EML5: variants seen among roughly 807,000 people sequenced by gnomAD.
The protein encoded by EML5 is EMAP like 5.
A neutral mutation model predicts 250.0 loss-of-function variants in EML5; 120 were observed. The ratio of observed to expected loss-of-function variants is 0.48; its 90% confidence interval spans 0.41 to 0.56. EML5 has a LOEUF of 0.56. Among genes scored for constraint, EML5 ranks in the 20% least tolerant of loss-of-function variants. The pLI is 0.00. For missense variants in EML5, 2,006 were observed against 2,437.6 expected, an observed-to-expected ratio of 0.82 and a Z score of 3.73; for synonymous variants, 771 against 806.5, an observed-to-expected ratio of 0.96 and a Z score of 0.75.
At chr14:88,687,494 A>C (rs1031797001) in intron 18 of EML5, among the ~76,000 whole-genome samples, 167 bp from the exon 19 acceptor site, 7 of 152,214 alleles carry the variant, frequency 4.6e-5, no homozygotes, top group Admixed American at 4.6e-4. Flanking sequence ...AACCGTCTAC[A>C]TGGAATCTGC....
At chr14:88,708,162 A>G (rs2093348891) in intron 10 of EML5, among the ~76,000 whole-genome samples, 1 of 152,140 alleles carries the variant, frequency 6.6e-6, no homozygotes, top group Non-Finnish European at 1.5e-5. Flanking sequence ...AGAAACCAGT[A>G]TTTTTAGTCA....
intron 1 of EML5, among the ~76,000 whole-genome samples, chr14:88,763,920 C>A (rs571873112): frequency 6.6e-6 from 1 of 152,134 alleles, no homozygotes; most frequent in Non-Finnish European, 1.5e-5. Context: ...ACTTCTAGTC[C>A]TAGTTTGCTA....
chr14:88,647,338 A>T (rs2091399585), intron 28 of EML5, among the ~76,000 whole-genome samples: 1 of 152,090 alleles, frequency 6.6e-6, no homozygotes, highest in Non-Finnish European at 1.5e-5. Context: ...ACTGCACTGC[A>T]GCCTGGGCGA....
chr14:88,648,296 A>G (rs2091450771), intron 28 of EML5, among the ~76,000 whole-genome samples: 1 of 152,162 alleles, frequency 6.6e-6, no homozygotes, highest in South Asian at 2.1e-4. Context: ...TTCATATCCA[A>G]GATAACAATG....
chr14:88,642,802 AT>A, intron 31 of EML5, 90 bp downstream of exon 31: 1 of 1,238,622 alleles, frequency 8.1e-7, no homozygotes, highest in East Asian at 2.7e-5. Context: ...TTCAATTACT[AT>A]TTATAGCTTT....
intron 1 of EML5, among the ~76,000 whole-genome samples, chr14:88,773,492 T>C (rs183445079): frequency 2.6e-5 from 4 of 152,326 alleles, no homozygotes; most frequent in Admixed American, 2.6e-4. Context: ...TGGATTTGGC[T>C]AGGTCCTGAG....
At chr14:88,710,933 A>C (rs2093395191) in intron 10 of EML5, among the ~76,000 whole-genome samples, 2 of 152,190 alleles carry the variant, frequency 1.3e-5, no homozygotes, top group Non-Finnish European at 2.9e-5. Flanking sequence ...CTCTCTTGCA[A>C]ATGATAAAAA....
At chr14:88,791,827 G>T (rs910983741) in intron 1 of EML5, among the ~76,000 whole-genome samples, 2 of 152,200 alleles carry the variant, frequency 1.3e-5, no homozygotes, top group Non-Finnish European at 2.9e-5. Flanking sequence ...CGGCCAGGAG[G>T]TGAGAGCCCT....
chr14:88,703,097 C>A (rs2093247948), intron 13 of EML5, among the ~76,000 whole-genome samples: 1 of 152,028 alleles, frequency 6.6e-6, no homozygotes, highest in Non-Finnish European at 1.5e-5. Context: ...CTTTTATGAA[C>A]TGCTCGGACT....
chr14:88,685,642 G>A (rs1015376175), intron 19 of EML5, among the ~76,000 whole-genome samples: 1 of 151,880 alleles, frequency 6.6e-6, no homozygotes, highest in Admixed American at 6.6e-5. Context: ...GTAGGGTGGG[G>A]TTGTGCCATT....
intron 27 of EML5, among the ~76,000 whole-genome samples, chr14:88,651,077 T>C (rs2140806829): frequency 6.6e-6 from 1 of 152,134 alleles, no homozygotes; most frequent in African/African-American, 2.4e-5. Context: ...TATGAACCTC[T>C]TCATTTGTAA....
At position 88,699,320 on chromosome 14, in the gene EML5, T is replaced by G. The variant is rs116085446; in HGVS notation, c.2239-2368A>C. On this transcript the variant is annotated intron_variant, in intron 14 of 43. Transcript: ENST00000554922. ...AAAAAATAGTTTACAAAGAGGCAAATAGAAAGAGATAAAAAGGGGAGTTGG... is the reference window on the plus strand; with the variant it reads ...AAAAAATAGTTTACAAAGAGGCAAAGAGAAAGAGATAAAAAGGGGAGTTGG... 2.9e-3 allele frequency among the ~76,000 whole-genome samples: 434 copies of G among 152,000 alleles called. 4 individuals carry two copies. The highest frequency in any genetic ancestry group is 0.01 in the African/African-American group (415 of 41,500).
intron 21 of EML5, among the ~76,000 whole-genome samples, chr14:88,677,359 A>C (rs1440942337): frequency 6.6e-6 from 1 of 152,222 alleles, no homozygotes; most frequent in Non-Finnish European, 1.5e-5. Context: ...CCTAGAAGAA[A>C]ATCTAGGCAA....
chr14:88,665,614 G>T lies in EML5; in HGVS notation c.3125-125C>A, dbSNP rs554787962. 5.9e-5 allele frequency: 76 copies of T among 1,292,996 alleles called. 1 individual carries two copies. The South Asian group carries it at 1.0e-3, about 17-fold the overall frequency. 80.1% of individuals were successfully genotyped at this position (1,292,996 alleles called of 1,614,324 possible). A position where few individuals can be genotyped will look rare whatever the true frequency, so the allele number is the denominator to read the frequency against. Reference sequence around the variant, plus strand: ...AGCTGAGGCAGGAGGACTGCCCGCGGCCAGGAGGTTAAGACCAGCCCGGGC... The same window carrying T: ...AGCTGAGGCAGGAGGACTGCCCGCGTCCAGGAGGTTAAGACCAGCCCGGGC... On this transcript the variant is annotated intron_variant, in intron 21 of 43. Transcript: ENST00000554922.
intron 17 of EML5, among the ~76,000 whole-genome samples, chr14:88,689,806 A>G (rs1255594370): frequency 2.6e-5 from 4 of 152,222 alleles, no homozygotes; most frequent in Non-Finnish European, 4.4e-5. Flanking sequence ...TGTACCAGGC[A>G]TAGACTTATG....
chr14:88,700,402 G>A (rs1323053250), intron 14 of EML5, among the ~76,000 whole-genome samples: 1 of 151,830 alleles, frequency 6.6e-6, no homozygotes, highest in Non-Finnish European at 1.5e-5. Context: ...TTCTTAAAGT[G>A]AAAGAATGGG....
intron 7 of EML5, among the ~76,000 whole-genome samples, chr14:88,732,566 T>C (rs552197355): frequency 5.3e-5 from 8 of 152,300 alleles, no homozygotes; most frequent in African/African-American, 1.7e-4. Flanking sequence ...TTTGATTCCA[T>C]ATGAACTTTA....
intron 1 of EML5, among the ~76,000 whole-genome samples, chr14:88,768,559 C>T (rs765524004): frequency 6.6e-5 from 10 of 151,902 alleles, no homozygotes; most frequent in Non-Finnish European, 1.5e-4. Context: ...TACAGGTGCC[C>T]GCCTCCACAC....
intron 8 of EML5, among the ~76,000 whole-genome samples, chr14:88,719,678 T>C (rs2093559675): frequency 6.6e-6 from 1 of 152,144 alleles, no homozygotes; most frequent in Non-Finnish European, 1.5e-5. Context: ...ATGAGCTTTT[T>C]TTTTTTTAAA....
Sources: allele counts gnomAD v4.1 joint callset (sites outside exome capture counted in the v4.1 genomes callset), GRCh38; gene constraint gnomAD v4.1.1; transcripts MANE v1.5; gene names NCBI Gene and HGNC (gene_info 2026-07-23, HGNC 2026-07-21).